Variants in CTNNA1 observed in about 807,000 individuals in gnomAD.
CTNNA1 encodes catenin alpha-1.
Under a neutral mutation model 98.4 loss-of-function variants are expected in CTNNA1, and 37 were observed. The observed-to-expected ratio is 0.38, with a 90% CI of 0.29 to 0.49. CTNNA1 has a LOEUF of 0.49. Among genes scored for constraint, CTNNA1 ranks in the 20% least tolerant of loss-of-function variants. The pLI is 0.95. For missense variants in CTNNA1, 761 were observed against 1,147.2 expected (o/e 0.66, Z 4.86); for synonymous variants, 404 against 413.2 (o/e 0.98, Z 0.27).
intron 7 of CTNNA1, among the ~76,000 whole-genome samples, chr5:138,867,423 G>A (rs1764891019): frequency 6.6e-6 from 1 of 152,240 alleles, no homozygotes; most frequent in Admixed American, 6.5e-5. Flanking sequence ...AGCCAGGGCA[G>A]TTTATGCCCT....
intron 1 of CTNNA1, among the ~76,000 whole-genome samples, chr5:138,764,778 A>G (rs1479797422): frequency 6.7e-6 from 1 of 149,250 alleles, no homozygotes; most frequent in Non-Finnish European, 1.5e-5. Context: ...GCCAGATGAC[A>G]TTTATTTCGG....
At chr5:138,776,777 C>T (rs1421094519) in intron 1 of CTNNA1, among the ~76,000 whole-genome samples, 12 of 145,620 alleles carry the variant, frequency 8.2e-5, no homozygotes, top group South Asian at 2.2e-4. Context: ...ACCTCCCGGA[C>T]GGGGCGGCTG....
At chr5:138,886,434 T>G in intron 8 of CTNNA1, 142 bp downstream of exon 8, 1 of 846,362 alleles carries the variant, frequency 1.2e-6, no homozygotes, top group Non-Finnish European at 1.8e-6. Context: ...CTTTGTTTTG[T>G]TGCTAATATG....
At chr5:138,908,833 A>C (rs1444522681) in intron 10 of CTNNA1, among the ~76,000 whole-genome samples, 1 of 150,342 alleles carries the variant, frequency 6.7e-6, no homozygotes, top group African/African-American at 2.5e-5. Flanking sequence ...ACTTTCTCTC[A>C]CTCTTTTCTC....
intron 5 of CTNNA1, among the ~76,000 whole-genome samples, chr5:138,818,307 G>T (rs927833135): frequency 6.6e-6 from 1 of 150,912 alleles, no homozygotes; most frequent in African/African-American, 2.4e-5. Context: ...TAGAGATAGG[G>T]TCTTGTTACG....
At chr5:138,872,866 A>C (rs1255422461) in intron 7 of CTNNA1, 4 of 534,762 alleles carry the variant, frequency 7.5e-6, no homozygotes, top group Non-Finnish European at 1.3e-5. Context: ...AATTAAAAAT[A>C]CTTCAACACT....
At chr5:138,810,300 T>C (rs1758545970) in intron 4 of CTNNA1, 96 bp downstream of exon 4, 1 of 1,400,076 alleles carries the variant, frequency 7.1e-7, no homozygotes, top group South Asian at 1.3e-5. Context: ...TAGTTTGGTT[T>C]TGAATTTGGT....
At chr5:138,816,194 T>A (rs1759420223) in intron 5 of CTNNA1, among the ~76,000 whole-genome samples, 1 of 152,238 alleles carries the variant, frequency 6.6e-6, no homozygotes, top group South Asian at 2.1e-4. Flanking sequence ...TCTGAGGTCA[T>A]CCATGTTTCC....
chr5:138,808,020 G>A lies in CTNNA1; in HGVS notation c.302-2018G>A, dbSNP rs367943098. Among the ~76,000 whole-genome samples, 37 of 152,118 alleles carry A rather than the reference G, an allele frequency of 2.4e-4. No homozygotes were observed. In the East Asian group the frequency reaches 6.2e-3, roughly 25 times the overall value. On this transcript the variant is annotated intron_variant, in intron 3 of 17. Transcript: ENST00000302763. ...CCCACCTCAGCCTCCCAAAGTGCTG[G>A]GATTACAGGTGTGAACTACCGTGCC...
intron 9 of CTNNA1, among the ~76,000 whole-genome samples, chr5:138,901,403 G>A (rs905457899): frequency 5.9e-5 from 9 of 152,120 alleles, no homozygotes; most frequent in East Asian, 5.8e-4. Context: ...CAAGCAGTCC[G>A]CCCACCTCGG....
At chr5:138,833,408 C>T (rs1761470587) in intron 7 of CTNNA1, among the ~76,000 whole-genome samples, 1 of 152,166 alleles carries the variant, frequency 6.6e-6, no homozygotes, top group Non-Finnish European at 1.5e-5. Context: ...GCTGTAAGTA[C>T]ATCAGATTTC....
chr5:138,809,038 G>A (rs779116431), intron 3 of CTNNA1, among the ~76,000 whole-genome samples: 3 of 152,116 alleles, frequency 2.0e-5, no homozygotes, highest in Non-Finnish European at 4.4e-5. Context: ...ACGCTAGAGT[G>A]CAGTGGTGCA....
chr5:138,919,955 G>A (rs1472342421), intron 11 of CTNNA1, among the ~76,000 whole-genome samples: 1 of 149,020 alleles, frequency 6.7e-6, no homozygotes. Flanking sequence ...CTTACCCATG[G>A]TAGCTTTGGC....
Position 138,931,151 on chromosome 5 carries a change from C to A in CTNNA1, c.2298+216C>A, listed in dbSNP as rs1010572344. ...ATCGCTTGGTAGCCAAAATTAACCT[C>A]TGCTATTGTCTCTTATGTCTCAGTT... On this transcript the variant is annotated intron_variant, in intron 16 of 17. Coordinates refer to ENST00000302763, the MANE Select transcript of CTNNA1 (RefSeq NM_001903.5). The A allele has an allele frequency of 5.5e-6, 3 of 545,456 alleles. No individual in the cohort carries two copies. The Admixed American group carries it at 9.3e-5, about 17-fold the overall frequency. 33.8% of individuals were successfully genotyped at this position (545,456 alleles called of 1,614,324 possible). A position where few individuals can be genotyped will look rare whatever the true frequency, so the allele number is the denominator to read the frequency against.
intron 9 of CTNNA1, among the ~76,000 whole-genome samples, chr5:138,891,523 G>GGC (rs993434675): frequency 3.7e-4 from 56 of 152,270 alleles, no homozygotes; most frequent in African/African-American, 1.3e-3. Flanking sequence ...CATTTTTGGA[G>GGC]GCGGAGGTGG....
intron 7 of CTNNA1, among the ~76,000 whole-genome samples, chr5:138,839,755 A>G (rs1762118359): frequency 6.6e-6 from 1 of 152,204 alleles, no homozygotes; most frequent in Admixed American, 6.5e-5. Context: ...GGTGGAGTAT[A>G]TTTATTACAT....
At position 138,917,831 on chromosome 5, in the gene CTNNA1, A is replaced by G; in HGVS notation, c.1479A>G (p.Lys493=). The change falls in exon 11 of 18, where the codon AAA becomes AAG. Residue 493 remains lysine (K), a synonymous_variant. Transcript: ENST00000302763. ...NMDLFKEQWE[K]QVRVLTDAVD... ...ATCTTTTTAAAGAACAATGGGAAAA[A>G]CAAGTCCGTGTTCTCACAGATGCTG... is the stretch of plus-strand genomic sequence containing the variant. The G allele has an allele frequency of 6.2e-7, 1 of 1,614,214 alleles. No individual in the cohort carries two copies. Among genetic ancestry groups the G allele is most frequent in the Non-Finnish European group, 8.5e-7 (1 of 1,180,032 alleles).
At chr5:138,783,097 A>C in intron 2 of CTNNA1, 80 bp from the exon 3 acceptor site, 1 of 1,111,146 alleles carries the variant, frequency 9.0e-7, no homozygotes, top group Non-Finnish European at 1.3e-6. Context: ...TTAAAAGAAT[A>C]ACTTAATCTT....
intron 7 of CTNNA1, among the ~76,000 whole-genome samples, chr5:138,841,220 CTTATT>C (rs1311637755): frequency 3.3e-5 from 5 of 152,050 alleles, no homozygotes; most frequent in Admixed American, 6.6e-5. Context: ...CAATGGCTTG[CTTATT>C]TTATTTTATT....
Sources: allele counts gnomAD v4.1 joint callset (sites outside exome capture counted in the v4.1 genomes callset), GRCh38; gene constraint gnomAD v4.1.1; transcripts MANE v1.5; gene names NCBI Gene and HGNC (gene_info 2026-07-23, HGNC 2026-07-21).